The following DLGAP2 variants were observed in gnomAD, a reference collection of about 807,000 sequenced individuals.
DLGAP2 encodes disks large-associated protein 2.
Under a neutral mutation model 100.3 loss-of-function variants are expected in DLGAP2, and 26 were observed. That is an observed-to-expected ratio of 0.26 (90% CI 0.19 to 0.36). The LOEUF is 0.36. Ranked by LOEUF, DLGAP2 falls within the 10% of genes least tolerant of loss-of-function variation. The probability of loss-of-function intolerance (pLI) is 1.00; values close to 1 mark genes in which losing one functional copy is unlikely to be tolerated. For synonymous variants in DLGAP2, 886 were observed against 630.1 expected (o/e 1.41, Z -6.08); for missense variants, 1,858 against 1,453.2 (o/e 1.28, Z -4.53).
intron 2 of DLGAP2, among the ~76,000 whole-genome samples, chr8:1,117,802 A>T (rs185246455): frequency 2.0e-4 from 30 of 151,840 alleles, no homozygotes; most frequent in African/African-American, 7.3e-4. Flanking sequence ...CATTCTTGAC[A>T]CTCACTTGGG....
intron 3 of DLGAP2, among the ~76,000 whole-genome samples, chr8:1,353,731 G>C (rs1043785426): frequency 6.6e-5 from 10 of 152,076 alleles, no homozygotes; most frequent in Admixed American, 4.6e-4. Context: ...TTTACTTAAC[G>C]TAAGATTCAA....
chr8:1,441,482 G>A (rs975384371), intron 3 of DLGAP2, among the ~76,000 whole-genome samples: 1 of 152,036 alleles, frequency 6.6e-6, no homozygotes, highest in Non-Finnish European at 1.5e-5. Context: ...AAGGTCAAGA[G>A]ATCAAGACCA....
intron 2 of DLGAP2, among the ~76,000 whole-genome samples, chr8:1,231,176 CAAAAGACATA>C (rs546656809): frequency 6.6e-6 from 1 of 152,154 alleles, no homozygotes; most frequent in East Asian, 1.9e-4. Flanking sequence ...TAAAATTGGA[CAAAAGACATA>C]AACAGACATT....
At chr8:1,132,454 G>A (rs1020350631) in intron 2 of DLGAP2, among the ~76,000 whole-genome samples, 4 of 152,180 alleles carry the variant, frequency 2.6e-5, no homozygotes, top group Non-Finnish European at 4.4e-5. Flanking sequence ...GCAAGGTTAA[G>A]AATCAACTAA....
intron 3 of DLGAP2, among the ~76,000 whole-genome samples, chr8:1,298,029 GGCAGGC>G: frequency 3.4e-5 from 1 of 29,264 alleles, no homozygotes; most frequent in East Asian, 6.0e-4. Context: ...GGAGAAACGT[GGCAGGC>G]GTGAACAGAC....
chr8:1,627,002 G>C, intron 7 of DLGAP2, 115 bp downstream of exon 7: 1 of 1,301,280 alleles, frequency 7.7e-7, no homozygotes. Context: ...CAGCACTTGG[G>C]CAAGGCTACA....
intron 1 of DLGAP2, among the ~76,000 whole-genome samples, chr8:864,425 T>TGGAACATCTCACTGTGCCCC (rs1797452188): frequency 6.6e-6 from 1 of 152,214 alleles, no homozygotes; most frequent in Non-Finnish European, 1.5e-5. Flanking sequence ...CTCTGTGGAT[T>TGGAACATCTCACTGTGCCCC]GGAACATCTC....
chr8:1,293,669 T>A (rs1800108341), intron 3 of DLGAP2, among the ~76,000 whole-genome samples: 3 of 152,222 alleles, frequency 2.0e-5, no homozygotes, highest in Admixed American at 1.3e-4. Flanking sequence ...CTCTAGAATT[T>A]CTCAGAAGTC....
intron 2 of DLGAP2, among the ~76,000 whole-genome samples, chr8:1,135,503 GTTTT>G (rs3080806): frequency 3.3e-5 from 3 of 92,238 alleles, no homozygotes; most frequent in African/African-American, 4.0e-5. Flanking sequence ...TTTTTTGTGG[GTTTT>G]TTTTTTTTTT....
chr8:947,116 C>T (rs368694858), intron 2 of DLGAP2, among the ~76,000 whole-genome samples: 5 of 152,154 alleles, frequency 3.3e-5, no homozygotes, highest in Non-Finnish European at 4.4e-5. Context: ...CGGGTGCGCC[C>T]GCATCTGCCA....
At chr8:822,192 A>T in intron 1 of DLGAP2, 1 of 399,418 alleles carries the variant, frequency 2.5e-6, no homozygotes, top group Non-Finnish European at 4.4e-6. Flanking sequence ...GGGACTGCTC[A>T]GGTACAGTGT....
At chr8:804,041 G>A (rs1049439714) in intron 1 of DLGAP2, among the ~76,000 whole-genome samples, 4 of 152,100 alleles carry the variant, frequency 2.6e-5, no homozygotes, top group African/African-American at 9.7e-5. Context: ...TTATATGGTG[G>A]CGAGAGTGGT....
At chr8:834,738 C>G (rs1271458713) in intron 1 of DLGAP2, among the ~76,000 whole-genome samples, 2 of 152,134 alleles carry the variant, frequency 1.3e-5, no homozygotes, top group Non-Finnish European at 2.9e-5. Flanking sequence ...ACCTGAGTGA[C>G]AGGATCCTAT....
At chr8:1,366,749 A>C (rs965492683) in intron 3 of DLGAP2, among the ~76,000 whole-genome samples, 1 of 152,190 alleles carries the variant, frequency 6.6e-6, no homozygotes. Context: ...GGCATCATCC[A>C]GGAGGCTGGA....
chr8:1,100,541 C>T (rs1057286181), intron 2 of DLGAP2, among the ~76,000 whole-genome samples: 6 of 152,172 alleles, frequency 3.9e-5, no homozygotes, highest in African/African-American at 1.4e-4. Context: ...CGTGCCTACC[C>T]ACAGTTTCAG....
chr8:971,817 A>T (rs892322688), intron 2 of DLGAP2, among the ~76,000 whole-genome samples: 15 of 152,144 alleles, frequency 9.9e-5, no homozygotes, highest in African/African-American at 3.1e-4. Flanking sequence ...AGTGAAGGGG[A>T]ATTCTCAATT....
chr8:1,097,134 C>T (rs1416927669), intron 2 of DLGAP2, among the ~76,000 whole-genome samples: 2 of 136,158 alleles, frequency 1.5e-5, no homozygotes, highest in South Asian at 4.7e-4. Context: ...GGCCTTCACC[C>T]TCTGTGGCAT....
intron 3 of DLGAP2, among the ~76,000 whole-genome samples, chr8:1,351,610 C>T (rs1481290480): frequency 1.9e-4 from 6 of 31,982 alleles, no homozygotes; most frequent in Admixed American, 9.6e-4. Flanking sequence ...CTGCGTGTGG[C>T]GTGGAAAGGC....
intron 2 of DLGAP2, among the ~76,000 whole-genome samples, chr8:983,102 G>A (rs181068069): frequency 3.2e-4 from 49 of 152,312 alleles, no homozygotes; most frequent in African/African-American, 1.2e-3. Context: ...CGATGGACCT[G>A]ACGGACTAGC....
Sources: gnomAD v4.1 joint callset for allele counts (sites outside exome capture counted in the v4.1 genomes callset) on GRCh38, gnomAD v4.1.1 for gene constraint, MANE v1.5 for transcripts, NCBI Gene and HGNC (gene_info 2026-07-23, HGNC 2026-07-21) for gene names.